The following FKBP9 variants were observed in gnomAD, a reference collection of about 807,000 sequenced individuals.
FKBP9 encodes the protein FKBP prolyl isomerase 9, also known as peptidyl-prolyl cis-trans isomerase FKBP9.
FKBP9 carries 27 observed loss-of-function variants against 55.6 expected under a neutral mutation model. The ratio of observed to expected loss-of-function variants is 0.49; its 90% CI spans 0.36 to 0.67. The LOEUF (loss-of-function observed/expected upper bound fraction) is 0.67, where lower values mean the gene tolerates loss of function less well. Among genes scored for constraint, FKBP9 ranks in the 30% least tolerant of loss-of-function variants. The pLI is 0.00. For missense variants in FKBP9, 539 were observed against 742.8 expected, an observed-to-expected ratio of 0.73 and a Z score of 3.19; for synonymous variants, 267 against 296.5, an observed-to-expected ratio of 0.90 and a Z score of 1.02.
At chr7:32,973,002 A>G (rs1784281903) in intron 1 of FKBP9, among the ~76,000 whole-genome samples, 1 of 152,188 alleles carries the variant, frequency 6.6e-6, no homozygotes, top group Admixed American at 6.5e-5. Context: ...GATTACAGGC[A>G]TGAGCCACCA....
intron 1 of FKBP9, among the ~76,000 whole-genome samples, chr7:32,958,038 G>A (rs1416997180): frequency 1.3e-5 from 2 of 152,236 alleles, no homozygotes; most frequent in Admixed American, 6.5e-5. Flanking sequence ...GCGGGGTTGG[G>A]GCAGACCACG....
Position 32,975,174 on chromosome 7 carries a change from A to C in FKBP9, c.368-8A>C, listed in dbSNP as rs1239885877. 4 of 1,610,768 alleles carry C rather than the reference A, an allele frequency of 2.5e-6. No individual in the cohort carries two copies. The African/African-American group carries it at 4.0e-5, about 16-fold the overall frequency. ...CTGTGAACTCAGTGTGTAATCTTTA[A>C]TTTCTAGCTGGTGTGATCCCCCCCA... On this transcript the variant is annotated splice_polypyrimidine_tract_variant and splice_region_variant and intron_variant, in intron 2 of 9. Coordinates refer to ENST00000242209, the MANE Select transcript of FKBP9 (RefSeq NM_007270.5).
intron 6 of FKBP9, among the ~76,000 whole-genome samples, chr7:32,991,989 A>G (rs1198739771): frequency 6.6e-6 from 1 of 152,172 alleles, no homozygotes; most frequent in East Asian, 1.9e-4. Flanking sequence ...TAGAAATATA[A>G]TGAGGCCCAG....
Position 32,974,602 on chromosome 7 carries a change from C to G in FKBP9, c.222-15C>G, listed in dbSNP as rs762814035. On this transcript the variant is annotated splice_polypyrimidine_tract_variant and intron_variant, in intron 1 of 9. Transcript: ENST00000242209. ...TATACTTTTCTTTCTCTTTCCCTAC[C>G]CTTTGGGCCTTCAGCTATGACAGAG... is the stretch of plus-strand genomic sequence containing the variant. 13 of 1,609,610 alleles carry G rather than the reference C, an allele frequency of 8.1e-6. No individual in the cohort carries two copies. The highest frequency in any genetic ancestry group is 6.7e-5 in the East Asian group (3 of 44,860).
intron 1 of FKBP9, among the ~76,000 whole-genome samples, chr7:32,961,018 T>C (rs867920841): frequency 6.6e-6 from 1 of 152,218 alleles, no homozygotes; most frequent in Non-Finnish European, 1.5e-5. Flanking sequence ...TACTAAGTGG[T>C]TGAGTGGAGA....
chr7:32,972,035 G>A (rs1294401251), intron 1 of FKBP9, among the ~76,000 whole-genome samples: 2 of 152,126 alleles, frequency 1.3e-5, no homozygotes, highest in African/African-American at 2.4e-5. Flanking sequence ...GTTTCTTGCC[G>A]GTGCATTGTT....
chr7:32,999,565 C>T (rs1784889773), intron 7 of FKBP9, among the ~76,000 whole-genome samples: 1 of 151,728 alleles, frequency 6.6e-6, no homozygotes, highest in Non-Finnish European at 1.5e-5. Flanking sequence ...TGTACTTCCC[C>T]TCCACTGTGC....
rs369662209 is a variant in FKBP9, at chr7:32,997,181, C to A, written c.1226+832C>A. On this transcript the variant is annotated intron_variant, in intron 7 of 9. Coordinates refer to ENST00000242209, the MANE Select transcript of FKBP9 (RefSeq NM_007270.5). ...GCCTTCCAGGTTCAAGTGATCCTCC[C>A]GCCTCAGCCTCCCAAGTAGCTGGGA... 2.4e-4 allele frequency among the ~76,000 whole-genome samples: 36 copies of A among 151,856 alleles called. No individual in the cohort carries two copies. In the East Asian group the frequency reaches 5.2e-3, roughly 22 times the overall value.
intron 1 of FKBP9, among the ~76,000 whole-genome samples, chr7:32,958,649 A>AGC (rs1783954281): frequency 6.6e-6 from 1 of 151,970 alleles, no homozygotes; most frequent in Non-Finnish European, 1.5e-5. Context: ...AGACAGAGAG[A>AGC]GATCCCATCA....
intron 1 of FKBP9, among the ~76,000 whole-genome samples, chr7:32,968,776 G>GC (rs201749806): frequency 0.02 from 2,984 of 149,010 alleles, 76 homozygotes; most frequent in African/African-American, 0.054. Context: ...TTTTGCCTCA[G>GC]CCCCCCGAGT....
intron 4 of FKBP9, among the ~76,000 whole-genome samples, chr7:32,978,220 C>A (rs1236840981): frequency 6.6e-6 from 1 of 151,518 alleles, no homozygotes; most frequent in African/African-American, 2.4e-5. Flanking sequence ...CTGTGCCTGG[C>A]CCACTTTTAT....
At chr7:32,974,214 T>G (rs1784313704) in intron 1 of FKBP9, among the ~76,000 whole-genome samples, 1 of 151,950 alleles carries the variant, frequency 6.6e-6, no homozygotes, top group African/African-American at 2.4e-5. Flanking sequence ...GGGCCTCACT[T>G]TGTTGCCCCG....
chr7:32,987,741 C>T (rs1358735701), intron 5 of FKBP9, among the ~76,000 whole-genome samples: 2 of 152,146 alleles, frequency 1.3e-5, no homozygotes, highest in Non-Finnish European at 2.9e-5. Context: ...ACAAGCAGTC[C>T]TCTGACTTCA....
chr7:33,001,835 C>T (rs907752450), intron 8 of FKBP9: 1 of 152,130 alleles, frequency 6.6e-6, no homozygotes, highest in Non-Finnish European at 1.5e-5. Flanking sequence ...ATTGTAGTCT[C>T]TACAAGCAGC....
chr7:33,004,953 G>A (rs1785004901), intron 9 of FKBP9, among the ~76,000 whole-genome samples: 3 of 152,020 alleles, frequency 2.0e-5, no homozygotes, highest in African/African-American at 7.2e-5. Flanking sequence ...TGAATAATAA[G>A]GGCTCTTGGA....
chr7:32,990,999 G>A (rs1262546444), intron 6 of FKBP9, among the ~76,000 whole-genome samples: 1 of 152,062 alleles, frequency 6.6e-6, no homozygotes, highest in African/African-American at 2.4e-5. Context: ...CATTCGACAG[G>A]GCTTTCTTCA....
At chr7:33,000,001 G>C (rs910788129) in intron 7 of FKBP9, 114 bp from the exon 8 acceptor site, 2 of 1,178,830 alleles carry the variant, frequency 1.7e-6, no homozygotes, top group African/African-American at 3.0e-5. Context: ...GATTAGATAG[G>C]GATTTGCATT....
At chr7:32,982,178 G>A (rs1173210085) in intron 5 of FKBP9, among the ~76,000 whole-genome samples, 3 of 151,606 alleles carry the variant, frequency 2.0e-5, no homozygotes, top group African/African-American at 4.8e-5. Context: ...ACACCACCAC[G>A]CCTGGCTAAT....
rs574740896 is a variant in FKBP9, at chr7:33,002,301, T to G, written c.1373-375T>G. Among the ~76,000 whole-genome samples, 4 of 152,250 alleles carry G rather than the reference T, an allele frequency of 2.6e-5. No homozygotes were observed. The South Asian group carries it at 8.3e-4, about 32-fold the overall frequency. ...GGTGCCCACCACCACACCAGCTAAT[T>G]TTTGTATTTTTTGTAGAGATGGAGT... is the stretch of plus-strand genomic sequence containing the variant. On this transcript the variant is annotated intron_variant, in intron 8 of 9. Transcript: ENST00000242209.
Sources: gnomAD v4.1 joint callset for allele counts (sites outside exome capture counted in the v4.1 genomes callset) on GRCh38, gnomAD v4.1.1 for gene constraint, MANE v1.5 for transcripts, NCBI Gene and HGNC (gene_info 2026-07-23, HGNC 2026-07-21) for gene names.